The following CLASP1 variants were observed in gnomAD, a reference collection of about 807,000 sequenced individuals.
The protein encoded by CLASP1 is cytoplasmic linker associated protein 1, also known as CLIP-associating protein 1.
A neutral mutation model predicts 192.3 loss-of-function variants in CLASP1; 38 were observed. The observed-to-expected ratio is 0.20, with a 90% CI of 0.15 to 0.26. The LOEUF (loss-of-function observed/expected upper bound fraction) is 0.26, where lower values mean the gene tolerates loss of function less well. CLASP1 is among the 10% of genes least tolerant of loss of function. CLASP1 has a pLI of 1.00. For missense variants in CLASP1, 1,433 were observed against 1,932.5 expected, an observed-to-expected ratio of 0.74 and a Z score of 4.85; for synonymous variants, 691 against 712.8, an observed-to-expected ratio of 0.97 and a Z score of 0.49.
intron 20 of CLASP1, among the ~76,000 whole-genome samples, chr2:121,429,605 T>C (rs2081032316): frequency 6.6e-6 from 1 of 152,198 alleles, no homozygotes; most frequent in Admixed American, 6.5e-5. Context: ...AGAGCCCACA[T>C]GGCAGGAAGA....
intron 2 of CLASP1, among the ~76,000 whole-genome samples, chr2:121,546,652 A>T (rs2057460293): frequency 6.6e-6 from 1 of 152,056 alleles, no homozygotes; most frequent in Non-Finnish European, 1.5e-5. Flanking sequence ...CAGGGTCTTC[A>T]GTCTGACACA....
chr2:121,520,721 C>T (rs2094437727), intron 6 of CLASP1, among the ~76,000 whole-genome samples: 1 of 152,238 alleles, frequency 6.6e-6, no homozygotes, highest in Admixed American at 6.5e-5. Context: ...TCAGGCAGAA[C>T]TCAGGCTTTT....
At chr2:121,473,806 G>A (rs565942942) in intron 8 of CLASP1, among the ~76,000 whole-genome samples, 59 of 152,298 alleles carry the variant, frequency 3.9e-4, no homozygotes, top group African/African-American at 1.4e-3. Context: ...TGGAAATGAT[G>A]CTTGAAAATG....
At chr2:121,359,221 T>C (rs536737261) in intron 37 of CLASP1, among the ~76,000 whole-genome samples, 49 of 152,250 alleles carry the variant, frequency 3.2e-4, no homozygotes, top group Non-Finnish European at 4.3e-4. Flanking sequence ...AACAGTTTTA[T>C]GTAGCAACAT....
intron 2 of CLASP1, chr2:121,530,828 A>T (rs2094770585): frequency 1.4e-5 from 9 of 655,210 alleles, no homozygotes; most frequent in Middle Eastern, 3.9e-4. Context: ...AATTACCACA[A>T]CCCTACCAGG....
At chr2:121,376,900 C>G (rs2070374040) in intron 34 of CLASP1, among the ~76,000 whole-genome samples, 1 of 152,190 alleles carries the variant, frequency 6.6e-6, no homozygotes, top group Non-Finnish European at 1.5e-5. Flanking sequence ...TCTCCCAGCA[C>G]CCTCAGACAG....
intron 8 of CLASP1, among the ~76,000 whole-genome samples, chr2:121,483,568 GTA>G (rs1208228455): frequency 3.3e-5 from 5 of 150,632 alleles, no homozygotes; most frequent in East Asian, 3.9e-4. Context: ...ATATATGTAT[GTA>G]TATATATGTG....
chr2:121,362,341 G>GT (rs2066573345), intron 37 of CLASP1, among the ~76,000 whole-genome samples: 1 of 152,188 alleles, frequency 6.6e-6, no homozygotes, highest in Non-Finnish European at 1.5e-5. Flanking sequence ...TGAAAGCCTG[G>GT]TGAGGCATAG....
exon 23 of CLASP1, chr2:121,418,704 G>A (rs553010478): frequency 1.9e-6 from 3 of 1,613,744 alleles, no homozygotes; most frequent in African/African-American, 2.7e-5. Flanking sequence ...GACTCATGCT[G>A]GGTCGAGGGA....
intron 8 of CLASP1, among the ~76,000 whole-genome samples, chr2:121,478,682 A>C (rs1575266976): frequency 1.5e-5 from 1 of 66,768 alleles, no homozygotes; most frequent in Non-Finnish European, 3.1e-5. Context: ...CACCACACAC[A>C]CACCCCACAC....
At chr2:121,592,660 G>T (rs546811877) in intron 2 of CLASP1, among the ~76,000 whole-genome samples, 60 of 151,802 alleles carry the variant, frequency 4.0e-4, no homozygotes, top group African/African-American at 1.4e-3. Context: ...TTTTTTGTTT[G>T]TTTTTTTGTT....
intron 2 of CLASP1, among the ~76,000 whole-genome samples, chr2:121,569,404 G>A (rs1353161618): frequency 2.0e-5 from 3 of 152,240 alleles, no homozygotes; most frequent in Non-Finnish European, 4.4e-5. Flanking sequence ...AAGACAGCAG[G>A]AATGAGAACA....
At chr2:121,595,807 G>C (rs769089419) in intron 2 of CLASP1, among the ~76,000 whole-genome samples, 12 of 152,206 alleles carry the variant, frequency 7.9e-5, no homozygotes, top group African/African-American at 2.4e-4. Context: ...CCACATAAAA[G>C]TTAACTTTCC....
At chr2:121,556,268 G>C (rs1559603149) in intron 2 of CLASP1, among the ~76,000 whole-genome samples, 2 of 152,140 alleles carry the variant, frequency 1.3e-5, no homozygotes, top group African/African-American at 2.4e-5. Flanking sequence ...TTATAGGTGT[G>C]AACCACCATG....
intron 2 of CLASP1, among the ~76,000 whole-genome samples, chr2:121,558,696 A>C (rs2058800605): frequency 1.3e-5 from 2 of 152,218 alleles, no homozygotes; most frequent in Admixed American, 1.3e-4. Flanking sequence ...CACGCCTATA[A>C]GAAAAAAATT....
intron 14 of CLASP1, among the ~76,000 whole-genome samples, chr2:121,456,611 T>G (rs1033146727): frequency 2.0e-5 from 3 of 151,146 alleles, no homozygotes; most frequent in Non-Finnish European, 4.4e-5. Flanking sequence ...GGAAAGAAAA[T>G]TTTTAAAAAG....
chr2:121,387,305 A>G, intron 31 of CLASP1, 77 bp from the exon 33 acceptor site: 1 of 1,017,422 alleles, frequency 9.8e-7, no homozygotes, highest in East Asian at 2.8e-5. Context: ...TGGTCTTTTA[A>G]CCCACATGTA....
intron 2 of CLASP1, among the ~76,000 whole-genome samples, chr2:121,555,441 C>T (rs2058458986): frequency 6.6e-6 from 1 of 152,126 alleles, no homozygotes; most frequent in Admixed American, 6.6e-5. Context: ...TAGACTGCAA[C>T]CTTCCAGAAG....
intron 2 of CLASP1, among the ~76,000 whole-genome samples, chr2:121,592,411 G>A (rs1204586903): frequency 1.3e-5 from 2 of 152,142 alleles, no homozygotes; most frequent in Non-Finnish European, 2.9e-5. Flanking sequence ...GAATATAAAT[G>A]TACCTAAGTA....
Sources: gnomAD v4.1 joint callset for allele counts (sites outside exome capture counted in the v4.1 genomes callset) on GRCh38, gnomAD v4.1.1 for gene constraint, MANE v1.5 for transcripts, NCBI Gene and HGNC (gene_info 2026-07-23, HGNC 2026-07-21) for gene names.